Variants in DGKH observed in about 807,000 individuals in gnomAD.
DGKH encodes DAG kinase eta.
DGKH carries 90 observed loss-of-function variants against 159.3 expected under a neutral mutation model. The observed-to-expected ratio is 0.57, with a 90% CI of 0.48 to 0.67. The LOEUF (loss-of-function observed/expected upper bound fraction) is 0.67. Ranked by LOEUF, DGKH falls within the 30% of genes least tolerant of loss-of-function variation. The pLI is 0.00. For missense variants in DGKH, 1,181 were observed against 1,506.1 expected (o/e 0.78, Z 3.57); for synonymous variants, 536 against 553.8 (o/e 0.97, Z 0.45).
intron 1 of DGKH, among the ~76,000 whole-genome samples, chr13:42,100,379 T>C (rs1954630526): frequency 6.6e-6 from 1 of 152,162 alleles, no homozygotes; most frequent in Non-Finnish European, 1.5e-5. Context: ...TATTATATAT[T>C]ACAATGTAGT....
chr13:42,047,783 G>C (rs896541588), upstream of DGKH, among the ~76,000 whole-genome samples: 2 of 152,158 alleles, frequency 1.3e-5, no homozygotes, highest in Non-Finnish European at 2.9e-5. Context: ...TCGGGTACTG[G>C]TGTTCGCATG....
chr13:42,217,968 A>G (rs1044182131), intron 26 of DGKH, among the ~76,000 whole-genome samples: 1 of 152,208 alleles, frequency 6.6e-6, no homozygotes, highest in Non-Finnish European at 1.5e-5. Context: ...CAGAAGGCCA[A>G]GGTTACAGTG....
At chr13:42,246,768 A>AC (rs1219732758), downstream of DGKH, among the ~76,000 whole-genome samples, 1 of 151,792 alleles carries the variant, frequency 6.6e-6, no homozygotes, top group Non-Finnish European at 1.5e-5. Context: ...CTGCTGTATC[A>AC]CCCCCCGCAA....
In DGKH at chr13:42,069,386, T is replaced by C; in HGVS notation, c.192+20421T>C. On this transcript the variant is annotated intron_variant, in intron 1 of 29. Coordinates refer to ENST00000337343, the MANE Select transcript of DGKH (RefSeq NM_178009.5). ...CTTTTTCCTGTTTTTCTTGACTTAC[T>C]GACTTTGATATCAAACTTTTCAATT... 2.0e-6 allele frequency: 3 copies of C among 1,525,450 alleles called. No individual in the cohort carries two copies. The South Asian group carries it at 3.7e-5, about 19-fold the overall frequency. The allele number at this position is 1,525,450 out of a possible 1,614,324, so 94.5% of individuals were successfully genotyped here. A position where few individuals can be genotyped will look rare whatever the true frequency, so the allele number is the denominator to read the frequency against.
Position 42,256,230 on chromosome 13 carries a change from C to T in DGKH, n.4128-54C>T. 5 of 1,484,640 alleles carry T rather than the reference C, an allele frequency of 3.4e-6. No individual in the cohort carries two copies. The Admixed American group carries it at 6.7e-5, about 20-fold the overall frequency. The allele number at this position is 1,484,640 out of a possible 1,614,324, so 92.0% of individuals were successfully genotyped here. On this transcript the variant is annotated intron_variant and non_coding_transcript_variant, in intron 30 of 30. Transcript: ENST00000498255. ...CATTTTGAGTTGAATGTTTTCAAGC[C>T]AATGATGATTAAAAATGTGTTACAC...
chr13:42,238,733 G>A lies in DGKH; in HGVS notation c.*9545G>A, dbSNP rs1594263572. ...CTAGAGATTGTCTTTATTAATTAAT[G>A]GAACTCTGGGTATGATTAAGGGAAT... On this transcript the variant is annotated 3_prime_UTR_variant, in exon 30 of 30. Coordinates refer to ENST00000337343, the MANE Select transcript of DGKH (RefSeq NM_178009.5). 1 of 152,132 alleles carries A rather than the reference G, an allele frequency of 6.6e-6. No individual in the cohort carries two copies. The highest frequency in any genetic ancestry group is 1.5e-5 in the Non-Finnish European group (1 of 67,962). The allele number at this position is 152,132 out of a possible 1,614,324, so 9.4% of individuals were successfully genotyped here.
At chr13:42,199,964 C>A in intron 20 of DGKH, 55 bp downstream of exon 20, 3 of 1,447,340 alleles carry the variant, frequency 2.1e-6, no homozygotes, top group African/African-American at 1.4e-5. Context: ...AAAAAAATAT[C>A]GTTTTGGAGC....
At chr13:42,137,298 G>A (rs1955420980) in intron 3 of DGKH, among the ~76,000 whole-genome samples, 1 of 152,158 alleles carries the variant, frequency 6.6e-6, no homozygotes, top group Non-Finnish European at 1.5e-5. Context: ...AATAATCACT[G>A]ACAAGTAAGT....
intron 24 of DGKH, among the ~76,000 whole-genome samples, chr13:42,211,532 T>C (rs529036789): frequency 2.6e-5 from 4 of 152,168 alleles, no homozygotes; most frequent in South Asian, 4.2e-4. Context: ...ACCCCGTCTC[T>C]ACTAAAAATA....
At chr13:42,151,482 TG>T (rs1955881937) in intron 3 of DGKH, among the ~76,000 whole-genome samples, 1 of 53,036 alleles carries the variant, frequency 1.9e-5, no homozygotes, top group African/African-American at 5.6e-5. Flanking sequence ...TTCCATGGTG[TG>T]TGTGTGTGTG....
intron 13 of DGKH, among the ~76,000 whole-genome samples, chr13:42,180,025 A>C (rs186580181): frequency 2.6e-4 from 40 of 152,356 alleles, no homozygotes; most frequent in African/African-American, 9.4e-4. Context: ...CAAACTATAA[A>C]AAGTGGCCAG....
chr13:42,213,489 C>G lies in DGKH; in HGVS notation c.3015-1018C>G, dbSNP rs1282884706. ...AGTTGATTTATGTCTTTCCCTTTCT[C>G]TGAAAATTAGAATAACCTTTATCCA... On this transcript the variant is annotated intron_variant, in intron 24 of 29. Coordinates refer to ENST00000337343, the MANE Select transcript of DGKH (RefSeq NM_178009.5). Among the ~76,000 whole-genome samples the G allele has an allele frequency of 5.9e-5, 9 of 152,184 alleles. No individual in the cohort carries two copies. The South Asian group carries it at 1.9e-3, about 32-fold the overall frequency.
intron 1 of DGKH, among the ~76,000 whole-genome samples, chr13:42,056,969 C>T (rs532169700): frequency 5.3e-5 from 8 of 152,160 alleles, no homozygotes; most frequent in East Asian, 3.9e-4. Context: ...TTGGATCCTA[C>T]GTTTTTAGGG....
rs1423121324 is a variant in DGKH, at chr13:42,210,876, T to C, written c.3014+111T>C. Reference sequence around the variant, plus strand: ...TAGTGGTATCAAAAAGAGATGCAATTACTCTTCTTCACACAGCACTCTTTC... The same window carrying C: ...TAGTGGTATCAAAAAGAGATGCAATCACTCTTCTTCACACAGCACTCTTTC... On this transcript the variant is annotated intron_variant, in intron 24 of 29. Coordinates refer to ENST00000337343, the MANE Select transcript of DGKH (RefSeq NM_178009.5). 6 of 926,496 alleles carry C rather than the reference T, an allele frequency of 6.5e-6. No homozygotes were observed. The East Asian group carries it at 1.6e-4, about 24-fold the overall frequency. The allele number at this position is 926,496 out of a possible 1,614,324, so 57.4% of individuals were successfully genotyped here. A position where few individuals can be genotyped will look rare whatever the true frequency, so the allele number is the denominator to read the frequency against.
chr13:42,045,839 T>C (rs1177823938), upstream of DGKH, among the ~76,000 whole-genome samples: 1 of 152,198 alleles, frequency 6.6e-6, no homozygotes, highest in Non-Finnish European at 1.5e-5. Context: ...TGCCAATGGG[T>C]ATAAAACCCC....
chr13:42,223,109 T>TC (rs905694086), intron 29 of DGKH, among the ~76,000 whole-genome samples: 1 of 152,126 alleles, frequency 6.6e-6, no homozygotes, highest in African/African-American at 2.4e-5. Flanking sequence ...AAACAAGATG[T>TC]GGGGGGTGGA....
intron 26 of DGKH, among the ~76,000 whole-genome samples, chr13:42,217,307 T>C (rs1466983968): frequency 6.6e-6 from 1 of 152,210 alleles, no homozygotes; most frequent in Non-Finnish European, 1.5e-5. Context: ...TAGCGTGATC[T>C]CTGCTCACTG....
At chr13:42,063,853 C>G (rs150419646) in intron 1 of DGKH, among the ~76,000 whole-genome samples, 1 of 152,020 alleles carries the variant, frequency 6.6e-6, no homozygotes, top group African/African-American at 2.4e-5. Flanking sequence ...GCAAGAGAAT[C>G]TCTTGAACCT....
In DGKH at chr13:42,232,113, G is replaced by A. The variant is rs1369573730; in HGVS notation, c.*2925G>A. The A allele has an allele frequency of 6.6e-6, 1 of 152,282 alleles. No homozygotes were observed. The highest frequency in any genetic ancestry group is 1.9e-4 in the East Asian group (1 of 5,188). The allele number at this position is 152,282 out of a possible 1,614,324, so 9.4% of individuals were successfully genotyped here. A position where few individuals can be genotyped will look rare whatever the true frequency, so the allele number is the denominator to read the frequency against. On this transcript the variant is annotated 3_prime_UTR_variant, in exon 30 of 30. Coordinates refer to ENST00000337343, the MANE Select transcript of DGKH (RefSeq NM_178009.5). ...ATGGGGTTACCAAAAAAAATAAAAA[G>A]TAGGGAAGAGCTTCTCCATGGGATC... is the stretch of plus-strand genomic sequence containing the variant.
Sources: allele counts gnomAD v4.1 joint callset (sites outside exome capture counted in the v4.1 genomes callset), GRCh38; gene constraint gnomAD v4.1.1; transcripts MANE v1.5; gene names NCBI Gene and HGNC (gene_info 2026-07-23, HGNC 2026-07-21).